SMARCB1: variants seen among roughly 807,000 people sequenced by gnomAD.
The protein encoded by SMARCB1 is SWI/SNF-related matrix-associated actin-dependent regulator of chromatin subfamily B member 1.
SMARCB1 carries 5 observed loss-of-function variants against 49.0 expected under a neutral mutation model. The observed-to-expected ratio is 0.10, with a 90% CI of 0.05 to 0.21. The LOEUF is 0.21. Ranked by LOEUF, SMARCB1 falls within the 10% of genes least tolerant of loss-of-function variation. The pLI, the probability that SMARCB1 is intolerant of heterozygous loss-of-function variation, is 1.00. For missense variants in SMARCB1, 226 were observed against 509.2 expected (o/e 0.44, Z 5.35); for synonymous variants, 201 against 200.1 (o/e 1.00, Z -0.04).
chr22:23,806,497 T>C (rs1260013174), intron 5 of SMARCB1, among the ~76,000 whole-genome samples: 1 of 152,208 alleles, frequency 6.6e-6, no homozygotes, highest in Non-Finnish European at 1.5e-5. Context: ...ATGCCAAAAT[T>C]GTTACTGATT....
intron 3 of SMARCB1, among the ~76,000 whole-genome samples, chr22:23,795,473 T>G (rs1313335634): frequency 6.6e-6 from 1 of 151,994 alleles, no homozygotes; most frequent in Non-Finnish European, 1.5e-5. Flanking sequence ...CTGACCAACA[T>G]GGTGAAGCCT....
At chr22:23,822,499 G>C (rs1055412643) in intron 6 of SMARCB1, among the ~76,000 whole-genome samples, 1 of 151,794 alleles carries the variant, frequency 6.6e-6, no homozygotes, top group Non-Finnish European at 1.5e-5. Flanking sequence ...CTCCCTCCCC[G>C]CCTTCCAGTA....
At position 23,836,383 on chromosome 22, in the gene SMARCB1, G is replaced by T. The variant is rs2031050206; in HGVS notation, c.*2203G>T. On this transcript the variant is annotated 3_prime_UTR_variant, in exon 9 of 9. Coordinates refer to ENST00000644036, the MANE Select transcript of SMARCB1 (RefSeq NM_003073.5). ...CACTGGCAGGAACATCTGTAGGCTG[G>T]TTTGGCACAACCTAGGAGACGCCTG... The T allele has an allele frequency of 1.0e-6, 1 of 985,768 alleles. No homozygotes were observed. Among genetic ancestry groups the T allele is most frequent in the Non-Finnish European group, 1.2e-6 (1 of 830,086 alleles). 61.1% of individuals were successfully genotyped at this position (985,768 alleles called of 1,614,324 possible).
At chr22:23,805,228 C>T (rs1490671709) in intron 5 of SMARCB1, among the ~76,000 whole-genome samples, 2 of 152,014 alleles carry the variant, frequency 1.3e-5, no homozygotes, top group African/African-American at 2.4e-5. Context: ...TGAGGGGGGA[C>T]GCCAGTGGGA....
At chr22:23,821,862 C>CA (rs35051501) in intron 6 of SMARCB1, among the ~76,000 whole-genome samples, 16,118 of 117,202 alleles carry the variant, frequency 0.14, 963 homozygotes, top group South Asian at 0.26. Flanking sequence ...GACTCTGTCT[C>CA]AAAAAAAAAA....
At chr22:23,829,523 A>G (rs1350577882) in intron 7 of SMARCB1, among the ~76,000 whole-genome samples, 1 of 152,196 alleles carries the variant, frequency 6.6e-6, no homozygotes, top group Non-Finnish European at 1.5e-5. Flanking sequence ...ACAGAGAGGC[A>G]GTGTCCCTCT....
chr22:23,820,965 C>T (rs9612462), intron 6 of SMARCB1, among the ~76,000 whole-genome samples: 18,850 of 152,242 alleles, frequency 0.12, 1,260 homozygotes, highest in South Asian at 0.27. Context: ...CCTCATGAAG[C>T]CTGACTGGTA....
In SMARCB1 at chr22:23,837,849, C is replaced by A; in HGVS notation, c.*3669C>A. ...GGAAGAACAGGCTGCCCAGGAGTCC[C>A]AGCAGCTGGGCCAGAGTCAAGGTGC... On this transcript the variant is annotated 3_prime_UTR_variant, in exon 9 of 9. Transcript: ENST00000644036. 6.2e-7 allele frequency: 1 copy of A among 1,611,228 alleles called. No individual in the cohort carries two copies.
At chr22:23,795,180 T>C (rs1354406475) in intron 3 of SMARCB1, among the ~76,000 whole-genome samples, 1 of 151,910 alleles carries the variant, frequency 6.6e-6, no homozygotes, top group Non-Finnish European at 1.5e-5. Flanking sequence ...CTCAGCACTT[T>C]GGGAAGTCAA....
rs1275513513 is a variant in SMARCB1, at chr22:23,836,698, G to A, written c.*2518G>A. 7.5e-7 allele frequency: 1 copy of A among 1,326,612 alleles called. No individual in the cohort carries two copies. Among genetic ancestry groups the A allele is most frequent in the Non-Finnish European group, 9.6e-7 (1 of 1,045,504 alleles). 82.2% of individuals were successfully genotyped at this position (1,326,612 alleles called of 1,614,324 possible). On this transcript the variant is annotated 3_prime_UTR_variant, in exon 9 of 9. Transcript: ENST00000644036. ...GGCAGGCATAGAAGGATGTGGCCAG[G>A]TGAGATGGGGAAGCCAGTGCTGTGG... is the stretch of plus-strand genomic sequence containing the variant.
At position 23,837,403 on chromosome 22, in the gene SMARCB1, G is replaced by A; in HGVS notation, c.*3223G>A. The stretch of plus-strand genomic sequence containing the variant: ...TGGAGGAGTGGGAGCCATGGGGCAG[G>A]AACCCTGACCCTCCCATCCTCACTC... On this transcript the variant is annotated 3_prime_UTR_variant, in exon 9 of 9. Coordinates refer to ENST00000644036, the MANE Select transcript of SMARCB1 (RefSeq NM_003073.5). The A allele has an allele frequency of 1.5e-6, 1 of 648,592 alleles. No individual in the cohort carries two copies. Among genetic ancestry groups the A allele is most frequent in the Non-Finnish European group, 2.6e-6 (1 of 380,894 alleles). The allele number at this position is 648,592 out of a possible 1,614,324, so 40.2% of individuals were successfully genotyped here.
intron 3 of SMARCB1, among the ~76,000 whole-genome samples, chr22:23,800,577 G>A (rs745413988): frequency 2.6e-5 from 4 of 152,058 alleles, no homozygotes; most frequent in Admixed American, 1.3e-4. Context: ...GCCCCTCCCC[G>A]CAGTGAACCC....
rs1568968616 is a variant in SMARCB1 at position 23,837,301 on chromosome 22, C to G, written c.*3121C>G. The stretch of plus-strand genomic sequence containing the variant: ...CCAAAGCCTTGCACAGAGTGCCAGC[C>G]CCGGGTTGGCCGTGAAGGACAAGCT... On this transcript the variant is annotated 3_prime_UTR_variant, in exon 9 of 9. Transcript: ENST00000644036. 8 of 1,074,328 alleles carry G rather than the reference C, an allele frequency of 7.4e-6. No homozygotes were observed. The highest frequency in any genetic ancestry group is 8.1e-6 in the Non-Finnish European group (6 of 740,504). The allele number at this position is 1,074,328 out of a possible 1,614,324, so 66.5% of individuals were successfully genotyped here.
Position 23,837,700 on chromosome 22 carries a change from A to G in SMARCB1, c.*3520A>G. 6.2e-7 allele frequency: 1 copy of G among 1,613,900 alleles called. No individual in the cohort carries two copies. The highest frequency in any genetic ancestry group is 8.5e-7 in the Non-Finnish European group (1 of 1,179,968). ...GATGGAGTTGCCCAGCAGCAGCGAG[A>G]AGCCCATGAGCGCCCAAGGCAGGAA... On this transcript the variant is annotated 3_prime_UTR_variant, in exon 9 of 9. Transcript: ENST00000644036.
rs2146045522 is a variant in SMARCB1, at chr22:23,834,192, G to A, written c.*12G>A. ...CCCCGGCCTGGTAACCAGCCCATCA[G>A]CACACGGCTCCCACGGAGCATCTCA... On this transcript the variant is annotated 3_prime_UTR_variant, in exon 9 of 9. Transcript: ENST00000644036. 2 of 1,584,544 alleles carry A rather than the reference G, an allele frequency of 1.3e-6. No homozygotes were observed. Among genetic ancestry groups the A allele is most frequent in the East Asian group, 2.3e-5 (1 of 43,040 alleles).
Position 23,825,318 on chromosome 22 carries a change from C to T in SMARCB1, c.889C>T (p.Leu297=), listed in dbSNP as rs370768337. 2.4e-5 allele frequency: 39 copies of T among 1,614,024 alleles called. No individual in the cohort carries two copies. Among genetic ancestry groups the T allele is most frequent in the Non-Finnish European group, 3.1e-5 (37 of 1,179,954 alleles). ...CTCACCAGAGAAGTTTGCCCTGAAG[C>T]TGTGCTCGGAGCTGGGGTTGGGCGG... is the stretch of plus-strand genomic sequence containing the variant. ...ENSPEKFALK[L]CSELGLGGEF... Residue 297 remains leucine (L), a synonymous_variant, in exon 7 of 9, where the codon CTG becomes TTG. Transcript: ENST00000644036.
intron 6 of SMARCB1, among the ~76,000 whole-genome samples, chr22:23,820,984 T>A (rs1489506472): frequency 6.6e-6 from 1 of 152,190 alleles, no homozygotes; most frequent in Non-Finnish European, 1.5e-5. Flanking sequence ...TAGCTTCCCT[T>A]AACGTTTTTC....
chr22:23,806,778 C>T (rs1199621128), intron 5 of SMARCB1, among the ~76,000 whole-genome samples: 1 of 151,912 alleles, frequency 6.6e-6, no homozygotes, highest in Non-Finnish European at 1.5e-5. Context: ...AAAAATTAGT[C>T]GGATGTGGTG....
rs1313888946 is a variant in SMARCB1 at position 23,791,738 on chromosome 22, T to G, written c.94-18T>G. 4 of 1,613,420 alleles carry G rather than the reference T, an allele frequency of 2.5e-6. No homozygotes were observed. The highest frequency in any genetic ancestry group is 1.7e-5 in the Admixed American group (1 of 60,022). Reference sequence around the variant, plus strand: ...GGTGCTGCGACCCTTATAATGAGCCTTCTTGCTTTACTCATAGGTGGGAAA... The same window carrying G: ...GGTGCTGCGACCCTTATAATGAGCCGTCTTGCTTTACTCATAGGTGGGAAA... On this transcript the variant is annotated intron_variant, in intron 1 of 8. Transcript: ENST00000644036.
Sources: gnomAD v4.1 joint callset for allele counts (sites outside exome capture counted in the v4.1 genomes callset) on GRCh38, gnomAD v4.1.1 for gene constraint, MANE v1.5 for transcripts, NCBI Gene and HGNC (gene_info 2026-07-23, HGNC 2026-07-21) for gene names.